RASSF8: variants seen among roughly 807,000 people sequenced by gnomAD.
RASSF8 encodes Ras association domain family member 8, also known as ras association domain-containing protein 8.
A neutral mutation model predicts 48.5 loss-of-function variants in RASSF8; 22 were observed. The ratio of observed to expected loss-of-function variants is 0.45; its 90% CI spans 0.32 to 0.65. The LOEUF (loss-of-function observed/expected upper bound fraction) is 0.65, where lower values mean the gene tolerates loss of function less well. RASSF8 is among the 30% of genes least tolerant of loss of function. RASSF8 has a pLI of 0.03. For synonymous variants in RASSF8, 127 were observed against 171.5 expected (o/e 0.74, Z 2.03); for missense variants, 418 against 489.2 (o/e 0.85, Z 1.37).
rs773945447 is a variant in RASSF8, at chr12:26,067,677, A to G, written c.1102A>G (p.Ile368Val). 3.1e-6 allele frequency: 5 copies of G among 1,614,190 alleles called. No individual in the cohort carries two copies. The highest frequency in any genetic ancestry group is 1.1e-5 in the South Asian group (1 of 91,088). Residue 368 changes from isoleucine (I) to valine (V), a missense_variant, in exon 5 of 6, where the codon ATT becomes GTT. Coordinates refer to ENST00000689635, the MANE Select transcript of RASSF8 (RefSeq NM_001394098.1). ...TKVTVLPAEP[I>V]EIEASHADIE... Reference sequence around the variant, plus strand: ...AGTTACCGTTTTGCCAGCGGAGCCCATTGAAATAGAGGCCTCACATGCAGA... The same window carrying G: ...AGTTACCGTTTTGCCAGCGGAGCCCGTTGAAATAGAGGCCTCACATGCAGA...
chr12:26,013,434 T>C (rs113511465), intron 2 of RASSF8, among the ~76,000 whole-genome samples: 1 of 152,330 alleles, frequency 6.6e-6, no homozygotes, highest in African/African-American at 2.4e-5. Context: ...GATTATATGG[T>C]GCTGTGAACT....
At chr12:26,043,876 C>T (rs1241795479) in intron 2 of RASSF8, among the ~76,000 whole-genome samples, 1 of 152,108 alleles carries the variant, frequency 6.6e-6, no homozygotes, top group Non-Finnish European at 1.5e-5. Flanking sequence ...CAAAACTAGT[C>T]TGTGATGATA....
intron 2 of RASSF8, among the ~76,000 whole-genome samples, chr12:26,029,097 A>C (rs574395678): frequency 6.6e-6 from 1 of 152,206 alleles, no homozygotes; most frequent in African/African-American, 2.4e-5. Flanking sequence ...CCTCATTAGC[A>C]TGGTGCTATT....
At chr12:26,078,726 A>G (rs571173476) in intron 5 of RASSF8, among the ~76,000 whole-genome samples, 3 of 152,348 alleles carry the variant, frequency 2.0e-5, no homozygotes, top group Admixed American at 6.5e-5. Context: ...AAATAGTAGT[A>G]AGGAATAACC....
At chr12:26,073,748 T>TACAC (rs5797160), downstream of RASSF8, among the ~76,000 whole-genome samples, 4,845 of 134,674 alleles carry the variant, frequency 0.036, 235 homozygotes, top group African/African-American at 0.1. Flanking sequence ...TCTCTCTCTA[T>TACAC]ACACACACAC....
At chr12:25,960,154 C>T (rs779500870) in intron 1 of RASSF8, among the ~76,000 whole-genome samples, 1 of 152,126 alleles carries the variant, frequency 6.6e-6, no homozygotes, top group Non-Finnish European at 1.5e-5. Context: ...CCCCAGGAAG[C>T]ATTTTAAAAT....
intron 2 of RASSF8, among the ~76,000 whole-genome samples, chr12:26,003,928 G>T (rs7965600): frequency 0.51 from 77,331 of 151,960 alleles, 20,018 homozygotes; most frequent in Non-Finnish European, 0.55. Context: ...TGTAATCCTA[G>T]CACTTTAGGA....
At chr12:26,011,928 T>C (rs971505382) in intron 2 of RASSF8, 1 of 152,208 alleles carries the variant, frequency 6.6e-6, no homozygotes, top group African/African-American at 2.4e-5. Context: ...TTAAATCTAG[T>C]GTCTTTAAAG....
intron 3 of RASSF8, among the ~76,000 whole-genome samples, chr12:26,060,879 A>C (rs1008139845): frequency 6.6e-6 from 1 of 152,218 alleles, no homozygotes; most frequent in Non-Finnish European, 1.5e-5. Flanking sequence ...ATATGTTAGC[A>C]TTAAATTCAT....
At chr12:26,073,944 TC>T (rs1223883193), downstream of RASSF8, among the ~76,000 whole-genome samples, 1 of 151,162 alleles carries the variant, frequency 6.6e-6, no homozygotes, top group African/African-American at 2.4e-5. Flanking sequence ...AGAAACAATT[TC>T]CCATCTATAT....
At chr12:25,977,955 G>A (rs556817754) in intron 1 of RASSF8, among the ~76,000 whole-genome samples, 1 of 152,160 alleles carries the variant, frequency 6.6e-6, no homozygotes, top group South Asian at 2.1e-4. Flanking sequence ...ATAGTTAGTG[G>A]TAAAATGGGG....
intron 5 of RASSF8, among the ~76,000 whole-genome samples, chr12:26,078,759 T>C (rs1223429663): frequency 1.3e-5 from 2 of 152,180 alleles, no homozygotes. Flanking sequence ...GGTGCCTTCT[T>C]TTGCTACATA....
In RASSF8 at chr12:26,068,979, AT is replaced by A; in HGVS notation, c.*162del. The A allele has an allele frequency of 7.3e-7, 1 of 1,363,140 alleles. No individual in the cohort carries two copies. Among genetic ancestry groups the A allele is most frequent in the Non-Finnish European group, 9.5e-7 (1 of 1,057,448 alleles). 84.4% of individuals were successfully genotyped at this position (1,363,140 alleles called of 1,614,324 possible). A position where few individuals can be genotyped will look rare whatever the true frequency, so the allele number is the denominator to read the frequency against. On this transcript the variant is annotated 3_prime_UTR_variant, in exon 6 of 6. Transcript: ENST00000689635. Reference sequence around the variant, plus strand: ...ACTTGGAGCCATACCCTGTGCACTGATGCTAAAGAACAAAGAAACTGTGTTT... The same window carrying A: ...ACTTGGAGCCATACCCTGTGCACTGAGCTAAAGAACAAAGAAACTGTGTTT...
intron 1 of RASSF8, among the ~76,000 whole-genome samples, chr12:25,981,976 T>C (rs979506626): frequency 2.0e-5 from 3 of 152,220 alleles, no homozygotes; most frequent in African/African-American, 7.2e-5. Flanking sequence ...CAAATGATAC[T>C]GAAGTAGAGA....
chr12:26,021,917 G>T (rs1243124987), intron 2 of RASSF8, among the ~76,000 whole-genome samples: 1 of 152,162 alleles, frequency 6.6e-6, no homozygotes, highest in Non-Finnish European at 1.5e-5. Flanking sequence ...AGAGGCTTTG[G>T]TGGTAAGCAA....
rs552169765 is a variant in RASSF8, at chr12:26,014,519, C to T, written c.-109+19389C>T. ...GTCTTGATTGGTTTGGACAGTTGCA[C>T]TTAATACAGGTCATTTTCATTTTTA... On this transcript the variant is annotated intron_variant, in intron 2 of 5. Transcript: ENST00000689635. 4.6e-5 allele frequency among the ~76,000 whole-genome samples: 7 copies of T among 152,296 alleles called. No homozygotes were observed. In the South Asian group the frequency reaches 1.2e-3, roughly 27 times the overall value.
At chr12:26,005,704 A>T (rs926338853) in intron 2 of RASSF8, among the ~76,000 whole-genome samples, 1 of 152,208 alleles carries the variant, frequency 6.6e-6, no homozygotes, top group African/African-American at 2.4e-5. Context: ...GTTAAGGTTC[A>T]TATCAGATGG....
In RASSF8 at chr12:26,065,276, G is replaced by A. The variant is rs147911486; in HGVS notation, c.882G>A (p.Lys294=). Residue 294 remains lysine, a synonymous_variant, in exon 4 of 6, where the codon AAG becomes AAA. Coordinates refer to ENST00000689635, the MANE Select transcript of RASSF8 (RefSeq NM_001394098.1). ...TCAATGAGGAAGAGGTTAAAGGAAA[G>A]ATCGGTAAGGTCAAAGGGGAGATTG... is the stretch of plus-strand genomic sequence containing the variant. ...AQVNEEEVKG[K]IGKVKGEIDI... 4.6e-5 allele frequency: 75 copies of A among 1,614,166 alleles called. No homozygotes were observed. In the African/African-American group the frequency reaches 9.9e-4, roughly 21 times the overall value.
At chr12:26,078,719 T>C (rs992935742) in intron 5 of RASSF8, among the ~76,000 whole-genome samples, 8 of 152,210 alleles carry the variant, frequency 5.3e-5, no homozygotes, top group African/African-American at 1.9e-4. Flanking sequence ...TTTCCCAAAA[T>C]AGTAGTAAGG....
Sources: gnomAD v4.1 joint callset for allele counts (sites outside exome capture counted in the v4.1 genomes callset) on GRCh38, gnomAD v4.1.1 for gene constraint, MANE v1.5 for transcripts, NCBI Gene and HGNC (gene_info 2026-07-23, HGNC 2026-07-21) for gene names.